Variants in METTL17 observed in about 807,000 individuals in gnomAD.
The protein encoded by METTL17 is ribosome assembly protein METTL17, mitochondrial.
In METTL17, 49 loss-of-function variants were observed where a neutral mutation model predicts 59.4. The ratio of observed to expected loss-of-function variants is 0.82; its 90% confidence interval spans 0.66 to 1.05. The LOEUF (loss-of-function observed/expected upper bound fraction) is 1.05. METTL17 is among the 50% of genes least tolerant of loss of function. The pLI, the probability that METTL17 is intolerant of heterozygous loss-of-function variation, is 0.00. For missense variants in METTL17, 555 were observed against 578.4 expected, an observed-to-expected ratio of 0.96 and a Z score of 0.41; for synonymous variants, 208 against 209.2, an observed-to-expected ratio of 0.99 and a Z score of 0.05.
In METTL17 at chr14:20,995,965, C is replaced by G; in HGVS notation, c.996+14C>G. ...GTCTTTGCCCCGGTGAGTATTACTT[C>G]TGCCTGTCCCACCACACGGATCTGA... On this transcript the variant is annotated intron_variant, in intron 11 of 13. Transcript: ENST00000339374. 1 of 1,613,852 alleles carries G rather than the reference C, an allele frequency of 6.2e-7. No individual in the cohort carries two copies. Among genetic ancestry groups the G allele is most frequent in the South Asian group, 1.1e-5 (1 of 91,074 alleles).
chr14:20,990,468 C>G lies in METTL17; in HGVS notation c.234C>G (p.Ser78Arg). 6.2e-7 allele frequency: 1 copy of G among 1,614,130 alleles called. No individual in the cohort carries two copies. Among genetic ancestry groups the G allele is most frequent in the Non-Finnish European group, 8.5e-7 (1 of 1,180,014 alleles). The change falls in exon 3 of 14, where the codon AGC becomes AGG. Residue 78 changes from serine to arginine, a missense_variant. By Grantham distance (110) the Ser-to-Arg change is moderately radical (BLOSUM62 -1). Coordinates refer to ENST00000339374, the MANE Select transcript of METTL17 (RefSeq NM_022734.3). ...ANGAQLLLLGSAGPTMENQVQ... is the reference protein window; with the variant it reads ...ANGAQLLLLGRAGPTMENQVQ... ...CTTTTCGTCTTTGGCCCATAGGGAG[C>G]GCTGGGCCCACTATGGAGAATCAGG...
chr14:20,994,133 C>A, intron 7 of METTL17, 70 bp downstream of exon 7: 1 of 1,135,074 alleles, frequency 8.8e-7, no homozygotes, highest in Non-Finnish European at 1.3e-6. Context: ...AAGTGTTTTA[C>A]TGGGAAGTAG....
chr14:20,990,622 A>C, intron 3 of METTL17, 24 bp downstream of exon 3: 2 of 1,612,696 alleles, frequency 1.2e-6, no homozygotes, highest in Non-Finnish European at 1.7e-6. Context: ...ATAATTAAAA[A>C]GTGGGCGAGA....
At chr14:20,995,847 T>C in intron 10 of METTL17, 54 bp from the exon 11 acceptor site, 1 of 1,467,860 alleles carries the variant, frequency 6.8e-7, no homozygotes, top group Non-Finnish European at 9.6e-7. Flanking sequence ...GAGATTGAAT[T>C]ATGAAAATAG....
chr14:20,992,751 A>G (rs1880104229), intron 5 of METTL17, 129 bp downstream of exon 5: 1 of 703,516 alleles, frequency 1.4e-6, no homozygotes, highest in South Asian at 1.8e-5. Flanking sequence ...TCTCCGCTGG[A>G]CATAGTGGGC....
chr14:20,991,772 G>T lies in METTL17; in HGVS notation c.365-352G>T, dbSNP rs531791513. On this transcript the variant is annotated intron_variant, in intron 3 of 13. Transcript: ENST00000339374. ...TCTCAAACTCCTGACCTCGTGATCCGCCTGCCTCAGCCTCCCAAAGTGCTG... is the reference window on the plus strand; with the variant it reads ...TCTCAAACTCCTGACCTCGTGATCCTCCTGCCTCAGCCTCCCAAAGTGCTG... 4.0e-4 allele frequency: 86 copies of T among 215,092 alleles called. 2 individuals carry two copies. In the South Asian group the frequency reaches 5.3e-3, roughly 13 times the overall value. The allele number at this position is 215,092 out of a possible 1,614,324, so 13.3% of individuals were successfully genotyped here.
At position 20,990,238 on chromosome 14, in the gene METTL17, C is replaced by T. The variant is rs777825486; in HGVS notation, c.84C>T (p.Ala28=). ...LGVAPQARAL[A]ALVPGVTQVD... The stretch of plus-strand genomic sequence containing the variant: ...CCTTTCTCTGCCTGCAGGCGCTCGC[C>T]GCCTTAGTACCCGGAGTGACCCAGG... The change falls in exon 2 of 14, where the codon GCC becomes GCT. Residue 28 remains alanine (A), a synonymous_variant. Coordinates refer to ENST00000339374, the MANE Select transcript of METTL17 (RefSeq NM_022734.3). 5 of 1,614,186 alleles carry T rather than the reference C, an allele frequency of 3.1e-6. No individual in the cohort carries two copies. In the Admixed American group the frequency reaches 5.0e-5, roughly 16 times the overall value.
At chr14:20,996,388 T>G (rs1164689371) in intron 12 of METTL17, 96 bp downstream of exon 12, 16 of 1,495,698 alleles carry the variant, frequency 1.1e-5, no homozygotes, top group African/African-American at 2.8e-5. Context: ...ATTTGTAGAA[T>G]AGCCTGGAGA....
At chr14:20,992,673 T>C in intron 5 of METTL17, 51 bp downstream of exon 5, 2 of 1,391,104 alleles carry the variant, frequency 1.4e-6, no homozygotes, top group Non-Finnish European at 2.0e-6. Context: ...CAGTTCCCTA[T>C]TCATAAAGTA....
chr14:20,992,225 G>A lies in METTL17; in HGVS notation c.446+20G>A, dbSNP rs777384850. The A allele has an allele frequency of 1.5e-5, 23 of 1,490,700 alleles. No individual in the cohort carries two copies. Among genetic ancestry groups the A allele is most frequent in the Non-Finnish European group, 2.1e-5 (23 of 1,082,510 alleles). The allele number at this position is 1,490,700 out of a possible 1,614,324, so 92.3% of individuals were successfully genotyped here. On this transcript the variant is annotated intron_variant, in intron 4 of 13. Transcript: ENST00000339374. ...ACTGAGGTAAGGGGGCCCAGAAGAG[G>A]TGCACAAGAAAGCAAAGGTAGACTT...
chr14:20,990,631 G>C, intron 3 of METTL17, 33 bp downstream of exon 3: 3 of 1,611,802 alleles, frequency 1.9e-6, no homozygotes, highest in Non-Finnish European at 2.5e-6. Context: ...AAGTGGGCGA[G>C]ATTGAAATAT....
intron 10 of METTL17, 157 bp from the exon 11 acceptor site, chr14:20,995,744 G>T (rs1488539575): frequency 4.8e-6 from 3 of 619,286 alleles, no homozygotes; most frequent in Non-Finnish European, 8.6e-6. Context: ...TTCTTTGTTT[G>T]GAGTATTAAA....
chr14:20,996,497 T>C, intron 12 of METTL17, 30 bp from the exon 13 acceptor site: 1 of 1,587,270 alleles, frequency 6.3e-7, no homozygotes. Flanking sequence ...ATCTTTTTCT[T>C]CTAAACAGTC....
At position 20,989,996 on chromosome 14, in the gene METTL17, C is replaced by T. The variant is rs1879936451; in HGVS notation, c.-7C>T. The T allele has an allele frequency of 1.9e-6, 3 of 1,586,438 alleles. No homozygotes were observed. The highest frequency in any genetic ancestry group is 1.8e-5 in the Admixed American group (1 of 57,106). On this transcript the variant is annotated 5_prime_UTR_variant, in exon 1 of 14. Coordinates refer to ENST00000339374, the MANE Select transcript of METTL17 (RefSeq NM_022734.3). ...TGTATTTCCGTTTCCGGTTCGCCTC[C>T]GGAGCCATGGCGGCGGCACTGAAGT...
chr14:20,993,848 T>C, intron 6 of METTL17, 121 bp from the exon 7 acceptor site: 1 of 613,310 alleles, frequency 1.6e-6, no homozygotes, highest in East Asian at 2.8e-5. Flanking sequence ...TTACTAACTA[T>C]ACAACTACTT....
At position 20,996,855 on chromosome 14, in the gene METTL17, C is replaced by T; in HGVS notation, c.1336C>T (p.Pro446Ser). The stretch of plus-strand genomic sequence containing the variant: ...ACCTGTGCTTACTCCGTCTGCGTTT[C>T]CTCCATCTACGGCTCAGGATCCCTC... The part of the protein sequence containing the change: ...LLPVLTPSAF[P>S]PSTAQDPSES The change falls in exon 14 of 14, where the codon CCT becomes TCT. Residue 446 changes from proline (P) to serine (S), a missense_variant. Physicochemically the swap from Pro to Ser is moderately conservative, Grantham distance 74 (BLOSUM62 -1). Coordinates refer to ENST00000339374, the MANE Select transcript of METTL17 (RefSeq NM_022734.3). 6.2e-7 allele frequency: 1 copy of T among 1,613,160 alleles called. No individual in the cohort carries two copies. Among genetic ancestry groups the T allele is most frequent in the Non-Finnish European group, 8.5e-7 (1 of 1,179,720 alleles).
In METTL17 at chr14:20,990,362, G is replaced by A. The variant is rs1310124289; in HGVS notation, c.208G>A (p.Gly70Ser). The A allele has an allele frequency of 3.1e-6, 5 of 1,614,178 alleles. No homozygotes were observed. The South Asian group carries it at 3.3e-5, about 11-fold the overall frequency. Residue 70 changes from glycine (G) to serine (S), a missense_variant, in exon 2 of 14, where the codon GGT becomes AGT. Coordinates refer to ENST00000339374, the MANE Select transcript of METTL17 (RefSeq NM_022734.3). Reference protein sequence around the residue: ...HVRLPQALANGAQLLLLGSAG... With the variant: ...HVRLPQALANSAQLLLLGSAG... ...GCGGCTGCCACAGGCACTGGCTAAC[G>A]GTGCCCAGTTATTGCTACTTGGTGA...
Position 20,995,287 on chromosome 14 carries a change from C to T in METTL17, c.945+54C>T, listed in dbSNP as rs1267439890. The T allele has an allele frequency of 2.0e-6, 3 of 1,480,786 alleles. No individual in the cohort carries two copies. The Admixed American group carries it at 5.1e-5, about 25-fold the overall frequency. The allele number at this position is 1,480,786 out of a possible 1,614,324, so 91.7% of individuals were successfully genotyped here. A position where few individuals can be genotyped will look rare whatever the true frequency, so the allele number is the denominator to read the frequency against. ...ACCCATATGGCACCAATTACTGTTA[C>T]TCTCTTGAAAACGAAAGAGACTGTC... On this transcript the variant is annotated intron_variant, in intron 10 of 13. Transcript: ENST00000339374.
chr14:20,996,030 G>A, intron 11 of METTL17, 79 bp downstream of exon 11: 1 of 1,499,010 alleles, frequency 6.7e-7, no homozygotes, highest in South Asian at 1.1e-5. Flanking sequence ...GTAAAGCTAA[G>A]CCACTCTCCA....
Sources: gnomAD v4.1 joint callset for allele counts on GRCh38, gnomAD v4.1.1 for gene constraint, MANE v1.5 for transcripts, NCBI Gene and HGNC (gene_info 2026-07-23, HGNC 2026-07-21) for gene names.